Variants in NRXN1 observed in about 807,000 individuals in gnomAD.
NRXN1 encodes the protein neurexin 1, also known as neurexin-1.
A neutral mutation model predicts 150.9 loss-of-function variants in NRXN1; 39 were observed. That is an observed-to-expected ratio of 0.26 (90% CI 0.20 to 0.34). NRXN1 has a LOEUF of 0.34. NRXN1 is among the 10% of genes least tolerant of loss of function. The probability of loss-of-function intolerance (pLI) is 1.00; values close to 1 mark genes in which losing one functional copy is unlikely to be tolerated. For synonymous variants in NRXN1, 924 were observed against 757.0 expected, an observed-to-expected ratio of 1.22 and a Z score of -3.62; for missense variants, 1,815 against 1,949.9, an observed-to-expected ratio of 0.93 and a Z score of 1.30.
chr2:50,897,111 T>C (rs1009127936), intron 5 of NRXN1, among the ~76,000 whole-genome samples: 10 of 152,216 alleles, frequency 6.6e-5, no homozygotes, highest in Admixed American at 1.3e-4. Context: ...TGAGGTATCA[T>C]GGCTAACAGC....
At chr2:50,495,548 A>G (rs539281900) in intron 15 of NRXN1, among the ~76,000 whole-genome samples, 2 of 152,182 alleles carry the variant, frequency 1.3e-5, no homozygotes, top group East Asian at 3.9e-4. Context: ...CTCTATAATA[A>G]GCTCCTATAT....
intron 8 of NRXN1, among the ~76,000 whole-genome samples, chr2:50,556,965 G>A (rs1407582408): frequency 1.3e-5 from 2 of 152,098 alleles, no homozygotes; most frequent in Non-Finnish European, 2.9e-5. Context: ...AAAGATGGTC[G>A]ATTGTTCCTG....
At chr2:50,176,232 T>G (rs1178114278) in intron 18 of NRXN1, among the ~76,000 whole-genome samples, 1 of 152,154 alleles carries the variant, frequency 6.6e-6, no homozygotes, top group Non-Finnish European at 1.5e-5. Context: ...ATGTTTCAGC[T>G]CTTATTGAAA....
chr2:50,432,189 C>T (rs761408651), intron 17 of NRXN1: 21 of 152,342 alleles, frequency 1.4e-4, no homozygotes, highest in African/African-American at 5.1e-4. Context: ...CATTCCAACC[C>T]GGTCACTTCC....
rs554913537 is a variant in NRXN1, at chr2:50,062,867, T to G, written c.3719-7823A>C. On this transcript the variant is annotated intron_variant, in intron 19 of 22. Transcript: ENST00000401669. ...ATGGGGAAAAAGTAAAGAAAAACAA[T>G]GCTATGAACCAAACATTTGTGCAGA... Among the ~76,000 whole-genome samples, 80 of 152,208 alleles carry G rather than the reference T, an allele frequency of 5.3e-4. 1 individual carries two copies. Among genetic ancestry groups the G allele is most frequent in the African/African-American group, 1.6e-3 (68 of 41,562 alleles).
chr2:50,002,155 C>T (rs1684055321), intron 21 of NRXN1, among the ~76,000 whole-genome samples: 1 of 152,040 alleles, frequency 6.6e-6, no homozygotes, highest in Non-Finnish European at 1.5e-5. Context: ...CTTAGTTAAC[C>T]TGTGCCCCGA....
intron 21 of NRXN1, among the ~76,000 whole-genome samples, chr2:49,956,080 T>C (rs1164660016): frequency 6.6e-6 from 1 of 152,166 alleles, no homozygotes; most frequent in African/African-American, 2.4e-5. Flanking sequence ...TCACACTGTA[T>C]ATTCAAGGTT....
intron 22 of NRXN1, among the ~76,000 whole-genome samples, chr2:49,940,465 C>A (rs1671789112): frequency 6.6e-6 from 1 of 151,982 alleles, no homozygotes; most frequent in African/African-American, 2.4e-5. Flanking sequence ...AGATGGATTG[C>A]AAGCAGGAAA....
At chr2:51,029,467 T>C (rs1299563431) in intron 1 of NRXN1, among the ~76,000 whole-genome samples, 2 of 152,256 alleles carry the variant, frequency 1.3e-5, no homozygotes, top group Admixed American at 1.3e-4. Context: ...TGATTATGGT[T>C]ATCTTTTTCT....
At chr2:50,522,871 A>G (rs1483268693) in intron 12 of NRXN1, among the ~76,000 whole-genome samples, 1 of 149,352 alleles carries the variant, frequency 6.7e-6, no homozygotes, top group Non-Finnish European at 1.5e-5. Flanking sequence ...AGCTGGGATT[A>G]TAGGCACCTG....
intron 19 of NRXN1, among the ~76,000 whole-genome samples, chr2:50,079,379 G>C (rs1029793227): frequency 3.3e-5 from 5 of 151,914 alleles, no homozygotes; most frequent in Admixed American, 3.3e-4. Context: ...TTTCCTATTA[G>C]CTATTGTTGC....
At chr2:50,939,215 A>C (rs1689025123) in intron 2 of NRXN1, among the ~76,000 whole-genome samples, 3 of 65,446 alleles carry the variant, frequency 4.6e-5, no homozygotes, top group Admixed American at 2.0e-4. Context: ...CATCTCAAAA[A>C]AAAAAAAAAA....
chr2:50,025,315 G>A (rs1274031343), intron 21 of NRXN1, among the ~76,000 whole-genome samples: 1 of 152,150 alleles, frequency 6.6e-6, no homozygotes, highest in Non-Finnish European at 1.5e-5. Context: ...TTGTAAACAA[G>A]ATTTGGGGAA....
intron 5 of NRXN1, among the ~76,000 whole-genome samples, chr2:50,652,684 C>A (rs534462891): frequency 6.6e-6 from 1 of 152,134 alleles, no homozygotes; most frequent in East Asian, 1.9e-4. Flanking sequence ...TGTATAGACA[C>A]ATGTTTTCAT....
intron 5 of NRXN1, chr2:50,637,659 G>A (rs1683428018): frequency 6.6e-6 from 1 of 152,190 alleles, no homozygotes; most frequent in African/African-American, 2.4e-5. Context: ...TGAACTTGAG[G>A]TAATTCTTTT....
chr2:50,857,485 T>C (rs984578915), intron 5 of NRXN1, among the ~76,000 whole-genome samples: 2 of 152,126 alleles, frequency 1.3e-5, no homozygotes, highest in African/African-American at 4.8e-5. Context: ...GACTCACTGA[T>C]GCTTTTGTGG....
intron 8 of NRXN1, among the ~76,000 whole-genome samples, chr2:50,595,515 A>G (rs760463296): frequency 2.0e-5 from 3 of 152,052 alleles, no homozygotes; most frequent in Admixed American, 1.3e-4. Flanking sequence ...TAAATCACAG[A>G]TAAGAGCCAG....
intron 13 of NRXN1, among the ~76,000 whole-genome samples, chr2:50,501,400 A>AGTGTGTGTGTGTGTGTGTGTGT (rs368765670): frequency 5.9e-4 from 87 of 148,284 alleles, no homozygotes; most frequent in African/African-American, 1.9e-3. Flanking sequence ...TGTGTGTGTG[A>AGTGTGTGTGTGTGTGTGTGTGT]GTGTGTGTGT....
intron 21 of NRXN1, chr2:50,019,109 C>T: frequency 2.4e-6 from 1 of 417,674 alleles, no homozygotes. Flanking sequence ...AACATTACCT[C>T]ATCTGTGCTT....
Sources: allele counts gnomAD v4.1 joint callset (sites outside exome capture counted in the v4.1 genomes callset), GRCh38; gene constraint gnomAD v4.1.1; transcripts MANE v1.5; gene names NCBI Gene and HGNC (gene_info 2026-07-23, HGNC 2026-07-21).